The following STIM1 variants were observed in gnomAD, a reference collection of about 807,000 sequenced individuals.
STIM1 encodes stromal interaction molecule 1.
Under a neutral mutation model 74.7 loss-of-function variants are expected in STIM1, and 25 were observed. The observed-to-expected ratio is 0.33, with a 90% CI of 0.24 to 0.47. STIM1 has a LOEUF of 0.47. Ranked by LOEUF, STIM1 falls within the 20% of genes least tolerant of loss-of-function variation. The probability of loss-of-function intolerance (pLI) is 1.00; values close to 1 mark genes in which losing one functional copy is unlikely to be tolerated. For synonymous variants in STIM1, 328 were observed against 348.8 expected, an observed-to-expected ratio of 0.94 and a Z score of 0.66; for missense variants, 728 against 920.8, an observed-to-expected ratio of 0.79 and a Z score of 2.71.
intron 1 of STIM1, among the ~76,000 whole-genome samples, chr11:3,945,436 A>T (rs1163244185): frequency 6.6e-6 from 1 of 152,020 alleles, no homozygotes; most frequent in Non-Finnish European, 1.5e-5. Context: ...AATAAAAAAA[A>T]AAAGAAAAGA....
At chr11:3,866,429 C>CTTT (rs375183049) in intron 1 of STIM1, among the ~76,000 whole-genome samples, 8 of 136,782 alleles carry the variant, frequency 5.8e-5, no homozygotes, top group South Asian at 2.3e-4. Context: ...CTTGCTATGT[C>CTTT]TTTTTTTTTT....
intron 1 of STIM1, among the ~76,000 whole-genome samples, chr11:3,949,553 C>G (rs546658437): frequency 1.3e-5 from 2 of 152,326 alleles, no homozygotes; most frequent in African/African-American, 4.8e-5. Context: ...TTTCCTCAGT[C>G]ATTTTTCAAC....
At position 3,938,034 on chromosome 11, in the gene STIM1, A is replaced by G. The variant is rs1033571526; in HGVS notation, c.140-29518A>G. On this transcript the variant is annotated intron_variant, in intron 1 of 12. Transcript: ENST00000526596. ...CTGCAACCTCCGCCTCCTGGGTTCA[A>G]GCGATTCTCTTGCTTCAGCCTCCCG... Among the ~76,000 whole-genome samples, 13 of 151,970 alleles carry G rather than the reference A, an allele frequency of 8.6e-5. 1 individual carries two copies. The highest frequency in any genetic ancestry group is 3.1e-4 in the African/African-American group (13 of 41,462).
chr11:4,011,809 C>T (rs952399214), intron 2 of STIM1, among the ~76,000 whole-genome samples: 31 of 152,254 alleles, frequency 2.0e-4, no homozygotes, highest in East Asian at 1.2e-3. Context: ...ATGCCTATGT[C>T]CTGAATGGTA....
At chr11:4,063,467 G>C (rs530763325) in intron 5 of STIM1, among the ~76,000 whole-genome samples, 2 of 152,202 alleles carry the variant, frequency 1.3e-5, no homozygotes, top group South Asian at 4.1e-4. Context: ...GAATTTTTAA[G>C]CAATAAGTTA....
chr11:4,000,061 T>G (rs1250973175), intron 2 of STIM1, among the ~76,000 whole-genome samples: 2 of 151,446 alleles, frequency 1.3e-5, no homozygotes, highest in Non-Finnish European at 3.0e-5. Flanking sequence ...CAGGCTCGCT[T>G]AGGTAAACAA....
intron 1 of STIM1, among the ~76,000 whole-genome samples, chr11:3,865,859 C>T (rs1298934256): frequency 6.6e-6 from 1 of 152,162 alleles, no homozygotes; most frequent in Non-Finnish European, 1.5e-5. Context: ...GACAACTTTG[C>T]CTGTGTTGAT....
intron 2 of STIM1, among the ~76,000 whole-genome samples, chr11:4,001,949 A>G (rs2093722132): frequency 7.3e-6 from 1 of 136,102 alleles, no homozygotes; most frequent in Admixed American, 7.7e-5. Context: ...AGTCTCTGAT[A>G]AAACAGACTT....
intron 3 of STIM1, among the ~76,000 whole-genome samples, chr11:4,034,193 C>A (rs1308588953): frequency 2.0e-5 from 3 of 151,876 alleles, no homozygotes; most frequent in African/African-American, 7.3e-5. Context: ...TGTGCCACTG[C>A]ACTCCAGTCT....
At chr11:4,020,497 T>A (rs1250601445) in intron 2 of STIM1, among the ~76,000 whole-genome samples, 2 of 152,238 alleles carry the variant, frequency 1.3e-5, no homozygotes, top group African/African-American at 4.8e-5. Flanking sequence ...CCATACTAAC[T>A]GGGGTGAGAT....
intron 3 of STIM1, among the ~76,000 whole-genome samples, chr11:4,032,316 A>G (rs2094057461): frequency 6.6e-6 from 1 of 152,216 alleles, no homozygotes; most frequent in Non-Finnish European, 1.5e-5. Context: ...CCTGTTTCTA[A>G]AAAACAAGCA....
At chr11:3,895,447 G>A (rs1485966563) in intron 1 of STIM1, among the ~76,000 whole-genome samples, 1 of 152,122 alleles carries the variant, frequency 6.6e-6, no homozygotes, top group East Asian at 1.9e-4. Flanking sequence ...TTCCATCTGT[G>A]TAGCACTTTT....
chr11:4,003,337 C>G (rs1263747636), intron 2 of STIM1, among the ~76,000 whole-genome samples: 4 of 151,668 alleles, frequency 2.6e-5, no homozygotes, highest in Non-Finnish European at 5.9e-5. Flanking sequence ...CAAAAATCCT[C>G]AGTAAAATAC....
At chr11:3,922,900 C>T (rs2092735984) in intron 1 of STIM1, among the ~76,000 whole-genome samples, 1 of 151,824 alleles carries the variant, frequency 6.6e-6, no homozygotes, top group South Asian at 2.1e-4. Flanking sequence ...GAGATCGAGA[C>T]CATCCTGGTT....
chr11:3,926,725 T>G (rs913028894), intron 1 of STIM1, among the ~76,000 whole-genome samples: 5 of 152,230 alleles, frequency 3.3e-5, no homozygotes, highest in African/African-American at 1.2e-4. Context: ...TCCAATAGAA[T>G]TTTGTATCTG....
chr11:4,013,023 A>G (rs2093854777), intron 2 of STIM1, among the ~76,000 whole-genome samples: 1 of 152,188 alleles, frequency 6.6e-6, no homozygotes, highest in South Asian at 2.1e-4. Context: ...GTGATGGATT[A>G]TGTTTATTGA....
At chr11:3,879,011 A>C (rs1565098927) in intron 1 of STIM1, among the ~76,000 whole-genome samples, 1 of 151,670 alleles carries the variant, frequency 6.6e-6, no homozygotes, top group Admixed American at 6.6e-5. Flanking sequence ...GCTGGAGTGC[A>C]GTGGCGTGAT....
At chr11:3,945,943 G>C (rs1565124071) in intron 1 of STIM1, among the ~76,000 whole-genome samples, 1 of 152,068 alleles carries the variant, frequency 6.6e-6, no homozygotes, top group Non-Finnish European at 1.5e-5. Flanking sequence ...ATAGAGAGTG[G>C]GTGGGGAGAG....
intron 2 of STIM1, among the ~76,000 whole-genome samples, chr11:3,996,170 C>T (rs114178422): frequency 0.026 from 3,986 of 152,276 alleles, 67 homozygotes; most frequent in Non-Finnish European, 0.039. Context: ...CCTGCTTCCT[C>T]GGCCAGGCAA....
Sources: gnomAD v4.1 joint callset for allele counts (sites outside exome capture counted in the v4.1 genomes callset) on GRCh38, gnomAD v4.1.1 for gene constraint, MANE v1.5 for transcripts, NCBI Gene and HGNC (gene_info 2026-07-23, HGNC 2026-07-21) for gene names.